Variants in EVI5 observed in about 807,000 individuals in gnomAD.
The protein encoded by EVI5 is ecotropic viral integration site 5 protein homolog.
A neutral mutation model predicts 112.0 loss-of-function variants in EVI5; 73 were observed. That is an observed-to-expected ratio of 0.65 (90% confidence interval 0.54 to 0.79). The LOEUF (loss-of-function observed/expected upper bound fraction) is 0.79. EVI5 is among the 30% of genes least tolerant of loss of function. EVI5 has a pLI of 0.00. For missense variants in EVI5, 900 were observed against 968.8 expected (o/e 0.93, Z 0.94); for synonymous variants, 305 against 319.9 (o/e 0.95, Z 0.50).
intron 13 of EVI5, among the ~76,000 whole-genome samples, chr1:92,643,542 A>G (rs1392611784): frequency 6.6e-6 from 1 of 152,032 alleles, no homozygotes; most frequent in East Asian, 1.9e-4. Context: ...CCAAAGAGCT[A>G]TGGTTACAGG....
intron 18 of EVI5, among the ~76,000 whole-genome samples, chr1:92,600,862 G>A (rs1649013964): frequency 5.3e-5 from 8 of 152,134 alleles, no homozygotes; most frequent in Admixed American, 3.9e-4. Flanking sequence ...GGTAAAGATG[G>A]TTCCTGAAGC....
At chr1:92,747,016 C>T (rs1679357944) in intron 1 of EVI5, among the ~76,000 whole-genome samples, 1 of 151,982 alleles carries the variant, frequency 6.6e-6, no homozygotes, top group Non-Finnish European at 1.5e-5. Flanking sequence ...TTTTATGACA[C>T]ATTTGTAAAA....
chr1:92,632,075 G>C (rs370253676), intron 14 of EVI5, among the ~76,000 whole-genome samples: 5 of 152,100 alleles, frequency 3.3e-5, no homozygotes, highest in Non-Finnish European at 5.9e-5. Context: ...TGCTGGATTC[G>C]GTTTGCCAGT....
At chr1:92,571,240 G>A (rs570921703) in intron 18 of EVI5, among the ~76,000 whole-genome samples, 1 of 147,822 alleles carries the variant, frequency 6.8e-6, no homozygotes, top group South Asian at 2.2e-4. Flanking sequence ...GATAAACTGA[G>A]GAAAGAGAAA....
intron 10 of EVI5, among the ~76,000 whole-genome samples, chr1:92,667,629 T>C (rs1174890869): frequency 1.3e-5 from 2 of 152,178 alleles, no homozygotes; most frequent in East Asian, 1.9e-4. Context: ...CATTTTCAAA[T>C]TCCTCAGATG....
At chr1:92,670,092 G>A (rs939331371) in intron 10 of EVI5, among the ~76,000 whole-genome samples, 1 of 152,064 alleles carries the variant, frequency 6.6e-6, no homozygotes, top group Non-Finnish European at 1.5e-5. Flanking sequence ...GGAAATTTAC[G>A]TATTATACAT....
At chr1:92,737,204 C>T (rs1374727201) in intron 1 of EVI5, among the ~76,000 whole-genome samples, 1 of 152,076 alleles carries the variant, frequency 6.6e-6, no homozygotes, top group Admixed American at 6.5e-5. Context: ...AGAAGAGGGA[C>T]TAGCACCCCA....
At chr1:92,757,907 C>CAAAAA (rs71091299) in intron 1 of EVI5, among the ~76,000 whole-genome samples, 1 of 70,292 alleles carries the variant, frequency 1.4e-5, no homozygotes, top group African/African-American at 5.4e-5. Flanking sequence ...GACTCTGCCT[C>CAAAAA]AAAAAAAAAA....
Position 92,756,202 on chromosome 1 carries a change from T to C in EVI5, c.-81-19575A>G, listed in dbSNP as rs1265485777. ...AAATTTGCTACATGTGTAACTCTTA[T>C]CATTAGAAACCTATCAGTGGAATGG... On this transcript the variant is annotated intron_variant, in intron 1 of 19. Transcript: ENST00000684568. 7.3e-6 allele frequency: 3 copies of C among 408,416 alleles called. No individual in the cohort carries two copies. The Admixed American group carries it at 9.1e-5, about 12-fold the overall frequency. The allele number at this position is 408,416 out of a possible 1,614,324, so 25.3% of individuals were successfully genotyped here. A position where few individuals can be genotyped will look rare whatever the true frequency, so the allele number is the denominator to read the frequency against.
At chr1:92,737,112 AAAAC>A (rs1677571051) in intron 1 of EVI5, among the ~76,000 whole-genome samples, 1 of 152,172 alleles carries the variant, frequency 6.6e-6, no homozygotes, top group Non-Finnish European at 1.5e-5. Flanking sequence ...CAATTCAACA[AAAAC>A]TGGGTGTATT....
At chr1:92,738,345 T>C (rs1410055368) in intron 1 of EVI5, among the ~76,000 whole-genome samples, 1 of 152,114 alleles carries the variant, frequency 6.6e-6, no homozygotes, top group African/African-American at 2.4e-5. Flanking sequence ...AAACCTAATG[T>C]ATAAAATTTA....
At chr1:92,680,412 T>C (rs191986654) in intron 9 of EVI5, among the ~76,000 whole-genome samples, 4 of 152,336 alleles carry the variant, frequency 2.6e-5, no homozygotes, top group African/African-American at 2.4e-5. Context: ...TAATGGATTA[T>C]AGCTCACTGA....
chr1:92,720,763 T>C (rs980531691), intron 2 of EVI5, among the ~76,000 whole-genome samples: 1 of 152,130 alleles, frequency 6.6e-6, no homozygotes, highest in Non-Finnish European at 1.5e-5. Flanking sequence ...AAAAAATCTT[T>C]GCAATCTACC....
intron 1 of EVI5, among the ~76,000 whole-genome samples, chr1:92,753,321 CTCAA>C (rs1680470651): frequency 6.6e-6 from 1 of 152,130 alleles, no homozygotes; most frequent in Non-Finnish European, 1.5e-5. Flanking sequence ...GAGACTTCAT[CTCAA>C]TCAAACAGTC....
At chr1:92,736,681 G>C in intron 1 of EVI5, 54 bp from the exon 2 acceptor site, 3 of 1,105,898 alleles carry the variant, frequency 2.7e-6, no homozygotes, top group Non-Finnish European at 4.1e-6. Context: ...ATTCATTACC[G>C]AGAACTTAAT....
upstream of EVI5, chr1:92,785,234 AGAGGAGGC>A (rs1425264048): frequency 5.7e-6 from 2 of 349,028 alleles, no homozygotes; most frequent in Non-Finnish European, 8.1e-6. Flanking sequence ...GACGGAGTGC[AGAGGAGGC>A]GGGGAAATCG....
intron 1 of EVI5, among the ~76,000 whole-genome samples, chr1:92,763,592 G>A (rs1263344066): frequency 1.3e-5 from 2 of 151,964 alleles, no homozygotes; most frequent in Admixed American, 1.3e-4. Flanking sequence ...TCTGGCCTGG[G>A]TGAAAGAACA....
At position 92,516,623 on chromosome 1, in the gene EVI5, T is replaced by C. The variant is rs1323505268; in HGVS notation, c.2167-2653A>G. Among the ~76,000 whole-genome samples, 3 of 152,226 alleles carry C rather than the reference T, an allele frequency of 2.0e-5. No homozygotes were observed. The East Asian group carries it at 5.8e-4, about 29-fold the overall frequency. ...GGAAGTGGGCATTTGGGGAAGGAAT[T>C]CCAGGGTACTGACTACCCAGAATAT... On this transcript the variant is annotated intron_variant, in intron 19 of 19. Transcript: ENST00000684568.
rs1362112466 is a variant in EVI5, at chr1:92,511,890, T to A, written c.*1766A>T. The A allele has an allele frequency of 6.6e-6, 1 of 151,992 alleles. No homozygotes were observed. The highest frequency in any genetic ancestry group is 6.6e-5 in the Admixed American group (1 of 15,248). The allele number at this position is 151,992 out of a possible 1,614,324, so 9.4% of individuals were successfully genotyped here. On this transcript the variant is annotated 3_prime_UTR_variant, in exon 20 of 20. Coordinates refer to ENST00000684568, the MANE Select transcript of EVI5 (RefSeq NM_001350197.2). ...AGTTTTTGACAGAAAACTACTTTTATCTCTTCTACTCTATTTCATATTTTT... is the reference window on the plus strand; with the variant it reads ...AGTTTTTGACAGAAAACTACTTTTAACTCTTCTACTCTATTTCATATTTTT...
Sources: allele counts gnomAD v4.1 joint callset (sites outside exome capture counted in the v4.1 genomes callset), GRCh38; gene constraint gnomAD v4.1.1; transcripts MANE v1.5; gene names NCBI Gene and HGNC (gene_info 2026-07-23, HGNC 2026-07-21).